The following ADAMTSL1 variants were observed in gnomAD, a reference collection of about 807,000 sequenced individuals.
ADAMTSL1 encodes ADAMTS like 1.
In ADAMTSL1, 126 loss-of-function variants were observed where a neutral mutation model predicts 201.8. The ratio of observed to expected loss-of-function variants is 0.62; its 90% confidence interval spans 0.54 to 0.72. The LOEUF (loss-of-function observed/expected upper bound fraction) is 0.72. Among genes scored for constraint, ADAMTSL1 ranks in the 30% least tolerant of loss-of-function variants. The probability of loss-of-function intolerance (pLI) is 0.00; values close to 1 mark genes in which losing one functional copy is unlikely to be tolerated. For synonymous variants in ADAMTSL1, 1,121 were observed against 903.4 expected (o/e 1.24, Z -4.32); for missense variants, 2,679 against 2,277.8 (o/e 1.18, Z -3.59).
intron 2 of ADAMTSL1, among the ~76,000 whole-genome samples, chr9:18,333,721 T>G (rs1274395239): frequency 2.0e-5 from 3 of 152,106 alleles, no homozygotes; most frequent in Non-Finnish European, 2.9e-5. Flanking sequence ...TAGCTTCCAT[T>G]ATAAGAAAAA....
At chr9:18,737,246 G>A (rs1818556105) in intron 15 of ADAMTSL1, among the ~76,000 whole-genome samples, 2 of 150,838 alleles carry the variant, frequency 1.3e-5, no homozygotes, top group Admixed American at 6.6e-5. Flanking sequence ...TTGAACCCGG[G>A]AGGTGGAGGT....
intron 1 of ADAMTSL1, among the ~76,000 whole-genome samples, chr9:18,038,194 A>G (rs1409872637): frequency 6.6e-6 from 1 of 152,148 alleles, no homozygotes; most frequent in African/African-American, 2.4e-5. Context: ...TCTGCTCATG[A>G]GACTTGCCCA....
chr9:17,913,686 G>A (rs1452998273), intron 1 of ADAMTSL1, among the ~76,000 whole-genome samples: 2 of 152,126 alleles, frequency 1.3e-5, no homozygotes, highest in Non-Finnish European at 2.9e-5. Flanking sequence ...CAGAACTGAA[G>A]GAAATAGACA....
intron 2 of ADAMTSL1, among the ~76,000 whole-genome samples, chr9:18,241,840 A>T (rs895603895): frequency 6.6e-6 from 1 of 152,148 alleles, no homozygotes; most frequent in African/African-American, 2.4e-5. Flanking sequence ...GAAATCCTGA[A>T]CAGATCAATA....
intron 3 of ADAMTSL1, among the ~76,000 whole-genome samples, chr9:18,563,076 T>G (rs1391451334): frequency 6.6e-6 from 1 of 152,212 alleles, no homozygotes; most frequent in Non-Finnish European, 1.5e-5. Context: ...GGAGTTGTGA[T>G]CCTTTGGAGA....
intron 2 of ADAMTSL1, among the ~76,000 whole-genome samples, chr9:18,181,067 A>G (rs958799614): frequency 4.6e-5 from 7 of 152,210 alleles, no homozygotes; most frequent in African/African-American, 1.7e-4. Context: ...TGGTGCTGGG[A>G]AAACTGGCTA....
intron 2 of ADAMTSL1, among the ~76,000 whole-genome samples, chr9:18,315,632 C>A (rs1039193393): frequency 1.3e-5 from 2 of 152,092 alleles, no homozygotes; most frequent in Admixed American, 1.3e-4. Flanking sequence ...AGTGCGGGGC[C>A]CACCGATCCC....
At chr9:18,514,715 A>G (rs1004138875) in intron 2 of ADAMTSL1, among the ~76,000 whole-genome samples, 18 of 152,358 alleles carry the variant, frequency 1.2e-4, no homozygotes, top group African/African-American at 4.1e-4. Context: ...TTTTCTGCTT[A>G]TAAGATCATG....
At chr9:18,645,735 T>A (rs1827764591) in intron 7 of ADAMTSL1, among the ~76,000 whole-genome samples, 1 of 147,394 alleles carries the variant, frequency 6.8e-6, no homozygotes, top group South Asian at 2.2e-4. Flanking sequence ...TCTGTTCTGT[T>A]CCATTGATCT....
intron 2 of ADAMTSL1, among the ~76,000 whole-genome samples, chr9:18,292,973 G>A (rs1833333207): frequency 6.6e-6 from 1 of 152,126 alleles, no homozygotes; most frequent in South Asian, 2.1e-4. Context: ...CTAATACAGG[G>A]GCTCAAATCC....
chr9:17,992,003 T>A (rs1302190366), intron 1 of ADAMTSL1, among the ~76,000 whole-genome samples: 2 of 152,078 alleles, frequency 1.3e-5, no homozygotes, highest in Admixed American at 1.3e-4. Flanking sequence ...CTTTCATACC[T>A]AGAGAGGCCC....
chr9:18,161,779 G>C (rs926358823), intron 1 of ADAMTSL1, among the ~76,000 whole-genome samples: 3 of 152,066 alleles, frequency 2.0e-5, no homozygotes, highest in African/African-American at 7.2e-5. Context: ...TATTGTCCTT[G>C]ATAGGGGAAG....
Position 18,753,428 on chromosome 9 carries a change from C to G in ADAMTSL1, c.2137C>G (p.Arg713Gly), listed in dbSNP as rs200086377. 1 of 1,613,272 alleles carries G rather than the reference C, an allele frequency of 6.2e-7. No individual in the cohort carries two copies. Among genetic ancestry groups the G allele is most frequent in the South Asian group, 1.1e-5 (1 of 90,856 alleles). The stretch of plus-strand genomic sequence containing the variant: ...AGTCATCCTGGCTGATGAGCTGTGT[C>G]GCCAGCCCAAGCCCAGCACGGTGCA... ...ETVILADELCRQPKPSTVQAC... is the reference protein window; with the variant it reads ...ETVILADELCGQPKPSTVQAC... Residue 713 changes from arginine to glycine, a missense_variant, in exon 16 of 29, where the codon CGC (arginine) becomes GGC (glycine). Arg to Gly is a moderately radical substitution (Grantham distance 125). Transcript: ENST00000380548.
At chr9:17,968,362 G>C (rs1030511327) in intron 1 of ADAMTSL1, among the ~76,000 whole-genome samples, 6 of 152,076 alleles carry the variant, frequency 3.9e-5, no homozygotes, top group Admixed American at 3.9e-4. Context: ...AGAACTGAGG[G>C]AATAGTATGA....
At chr9:17,927,798 G>C (rs1826613871) in intron 1 of ADAMTSL1, among the ~76,000 whole-genome samples, 1 of 151,198 alleles carries the variant, frequency 6.6e-6, no homozygotes, top group African/African-American at 2.4e-5. Context: ...GGATTTTTGT[G>C]TTCCTGGGGT....
Position 18,504,884 on chromosome 9 carries a change from G to C in ADAMTSL1, c.119G>C (p.Gly40Ala), listed in dbSNP as rs1378904594. Residue 40 changes from glycine (G) to alanine (A), a missense_variant, in exon 2 of 29, where the codon GGC becomes GCC. Coordinates refer to ENST00000380548, the MANE Select transcript of ADAMTSL1 (RefSeq NM_001040272.6). ...EDRDGLWDAWGPWSECSRTCG... is the reference protein window; with the variant it reads ...EDRDGLWDAWAPWSECSRTCG... ...CGGGACGGCCTATGGGATGCCTGGG[G>C]CCCATGGAGTGAATGCTCACGCACC... 1 of 1,613,466 alleles carries C rather than the reference G, an allele frequency of 6.2e-7. No individual in the cohort carries two copies. The highest frequency in any genetic ancestry group is 8.5e-7 in the Non-Finnish European group (1 of 1,179,834).
chr9:18,848,098 G>A (rs1303395269), intron 23 of ADAMTSL1, among the ~76,000 whole-genome samples: 1 of 152,192 alleles, frequency 6.6e-6, no homozygotes, highest in African/African-American at 2.4e-5. Context: ...GCTCACATGT[G>A]CTGGGCACCT....
chr9:18,735,748 C>CTTTTTTTTTTTTTTTTTTTTTTTTTTT (rs71333066), intron 15 of ADAMTSL1, among the ~76,000 whole-genome samples: 1 of 106,686 alleles, frequency 9.4e-6, no homozygotes, highest in Admixed American at 9.9e-5. Flanking sequence ...ATTCTTTTTT[C>CTTTTTTTTTTTTTTTTTTTTTTTTTTT]TTTTTTTTTT....
intron 2 of ADAMTSL1, among the ~76,000 whole-genome samples, chr9:18,259,828 C>G (rs1332666087): frequency 2.6e-5 from 4 of 151,988 alleles, no homozygotes; most frequent in African/African-American, 9.7e-5. Flanking sequence ...CCTATTCATG[C>G]TGGTTTTCTT....
Sources: gnomAD v4.1 joint callset for allele counts (sites outside exome capture counted in the v4.1 genomes callset) on GRCh38, gnomAD v4.1.1 for gene constraint, MANE v1.5 for transcripts, NCBI Gene and HGNC (gene_info 2026-07-23, HGNC 2026-07-21) for gene names.